COPB1: variants seen among roughly 807,000 people sequenced by gnomAD.
COPB1 encodes the protein coat protein complex I subunit beta 1, also known as coatomer subunit beta.
A neutral mutation model predicts 108.7 loss-of-function variants in COPB1; 21 were observed. The ratio of observed to expected loss-of-function variants is 0.19; its 90% confidence interval spans 0.14 to 0.28. COPB1 has a LOEUF of 0.28. Among genes scored for constraint, COPB1 ranks in the 10% least tolerant of loss-of-function variants. COPB1 has a pLI of 1.00. For synonymous variants in COPB1, 378 were observed against 386.8 expected, an observed-to-expected ratio of 0.98 and a Z score of 0.27; for missense variants, 919 against 1,141.3, an observed-to-expected ratio of 0.81 and a Z score of 2.81.
Position 14,488,498 on chromosome 11 carries a change from A to T in COPB1, c.693T>A (p.Ile231=). Reference sequence around the variant, plus strand: ...CATAGATTATCATTCTTACCTTATAAATCAGTTCAACAATAACCAGCTGCA... The same window carrying T: ...CATAGATTATCATTCTTACCTTATATATCAGTTCAACAATAACCAGCTGCA... ...DILQLVIVEL[I]YKVCHANPSE... Residue 231 remains isoleucine (I), a synonymous_variant, in exon 6 of 22, where the codon ATT becomes ATA. Transcript: ENST00000439561. 1 of 1,600,322 alleles carries T rather than the reference A, an allele frequency of 6.2e-7. No homozygotes were observed. The highest frequency in any genetic ancestry group is 8.5e-7 in the Non-Finnish European group (1 of 1,170,564).
intron 12 of COPB1, among the ~76,000 whole-genome samples, chr11:14,476,417 T>C (rs1234596908): frequency 6.6e-6 from 1 of 152,238 alleles, no homozygotes; most frequent in Admixed American, 6.5e-5. Flanking sequence ...TGAATGGCTA[T>C]TATGTATTTA....
At chr11:14,471,716 G>A (rs763743176) in intron 14 of COPB1, among the ~76,000 whole-genome samples, 126 of 152,186 alleles carry the variant, frequency 8.3e-4, no homozygotes, top group Non-Finnish European at 1.4e-3. Context: ...TCAGCAGTTC[G>A]AGACCAGCCT....
chr11:14,489,269 A>G (rs1850842222), intron 5 of COPB1, among the ~76,000 whole-genome samples: 1 of 152,240 alleles, frequency 6.6e-6, no homozygotes, highest in Admixed American at 6.5e-5. Flanking sequence ...CTTGTGCACT[A>G]CTAGTGAGAA....
intron 16 of COPB1, among the ~76,000 whole-genome samples, chr11:14,467,272 T>G (rs1250591312): frequency 1.3e-5 from 2 of 151,834 alleles, no homozygotes; most frequent in African/African-American, 4.8e-5. Flanking sequence ...AAATGGCCAA[T>G]AAGCACGTGA....
intron 2 of COPB1, among the ~76,000 whole-genome samples, chr11:14,496,022 T>C (rs1565025982): frequency 6.6e-6 from 1 of 152,164 alleles, no homozygotes; most frequent in East Asian, 1.9e-4. Flanking sequence ...AATAGAAACC[T>C]AGTATTAAGT....
At chr11:14,485,199 T>C (rs1450366149) in intron 7 of COPB1, among the ~76,000 whole-genome samples, 1 of 152,070 alleles carries the variant, frequency 6.6e-6, no homozygotes, top group Non-Finnish European at 1.5e-5. Context: ...CTCTGTTGCC[T>C]TGGCTGGAGT....
rs757263393 is a variant in COPB1 at position 14,469,464 on chromosome 11, T to C, written c.1837A>G (p.Ile613Val). Residue 613 changes from isoleucine (I) to valine (V), a missense_variant, in exon 15 of 22, where the codon ATT becomes GTT. Ile to Val is a conservative substitution (Grantham distance 29, BLOSUM62 3). Coordinates refer to ENST00000439561, the MANE Select transcript of COPB1 (RefSeq NM_001144061.2). ...KPITDDDVDR[I>V]SLCLKVLSEC... The stretch of plus-strand genomic sequence containing the variant: ...GACAAGACCTTGAGGCACAGGGAAA[T>C]TCGATCCACATCATCATCAGTAATT... The C allele has an allele frequency of 1.9e-6, 3 of 1,614,178 alleles. No individual in the cohort carries two copies. Among genetic ancestry groups the C allele is most frequent in the Non-Finnish European group, 2.5e-6 (3 of 1,180,022 alleles).
At chr11:14,469,840 T>C (rs1296900046) in intron 14 of COPB1, among the ~76,000 whole-genome samples, 1 of 152,240 alleles carries the variant, frequency 6.6e-6, no homozygotes, top group African/African-American at 2.4e-5. Flanking sequence ...CTTCATATGC[T>C]GATGCTGTCC....
At chr11:14,497,184 C>A (rs1397788721) in intron 2 of COPB1, among the ~76,000 whole-genome samples, 1 of 151,988 alleles carries the variant, frequency 6.6e-6, no homozygotes, top group African/African-American at 2.4e-5. Flanking sequence ...CAAAAACGGA[C>A]AAATGGGATC....
Position 14,494,211 on chromosome 11 carries a change from T to C in COPB1, c.320A>G (p.Lys107Arg). Residue 107 changes from lysine (K) to arginine (R), a missense_variant and splice_region_variant, in exon 3 of 22, where the codon AAG becomes AGG. Coordinates refer to ENST00000439561, the MANE Select transcript of COPB1 (RefSeq NM_001144061.2). The part of the protein sequence containing the change: ...EMILVCDAYR[K>R]DLQHPNEFIR... ...AGAAATAATTATGATTTGGTTTACCTTTCTGTATGCATCACATACAAGGAT... is the reference window on the plus strand; with the variant it reads ...AGAAATAATTATGATTTGGTTTACCCTTCTGTATGCATCACATACAAGGAT... 6.3e-7 allele frequency: 1 copy of C among 1,597,964 alleles called. No individual in the cohort carries two copies. The highest frequency in any genetic ancestry group is 8.6e-7 in the Non-Finnish European group (1 of 1,167,972).
In COPB1 at chr11:14,461,263, T is replaced by G. The variant is rs1473859787; in HGVS notation, c.2479A>C (p.Met827Leu). The change falls in exon 19 of 22, where the codon ATG becomes CTG. Residue 827 changes from methionine to leucine, a missense_variant. Physicochemically the swap from Met to Leu is conservative, Grantham distance 15 (BLOSUM62 2). Around this residue, in one of 5 missense-constraint regions of COPB1, gnomAD observed 705 missense variants for 817.8 expected, o/e 0.86. Coordinates refer to ENST00000439561, the MANE Select transcript of COPB1 (RefSeq NM_001144061.2). Reference protein sequence around the residue: ...VVLSDIHIDIMDYIQPATCTD... With the variant: ...VVLSDIHIDILDYIQPATCTD... ...CAAGTTGCAGGCTGGATATAGTCCATGATGTCGATGTGAATATCACTGAGA... is the reference window on the plus strand; with the variant it reads ...CAAGTTGCAGGCTGGATATAGTCCAGGATGTCGATGTGAATATCACTGAGA... 6.2e-7 allele frequency: 1 copy of G among 1,614,210 alleles called. No homozygotes were observed. Among genetic ancestry groups the G allele is most frequent in the South Asian group, 1.1e-5 (1 of 91,078 alleles).
intron 18 of COPB1, among the ~76,000 whole-genome samples, chr11:14,461,743 AG>A (rs2134092858): frequency 6.6e-6 from 1 of 152,310 alleles, no homozygotes; most frequent in East Asian, 1.9e-4. Context: ...TTCCCATAGG[AG>A]GTACTTAACT....
At chr11:14,477,113 G>T in intron 11 of COPB1, 98 bp from the exon 12 acceptor site, 1 of 860,944 alleles carries the variant, frequency 1.2e-6, no homozygotes, top group Non-Finnish European at 1.9e-6. Context: ...ACAAGGGCCA[G>T]GCACTCACGC....
chr11:14,494,646 T>C, intron 2 of COPB1: 1 of 489,840 alleles, frequency 2.0e-6, no homozygotes. Context: ...TCTCTGGAAA[T>C]CAGACTCTTT....
intron 5 of COPB1, among the ~76,000 whole-genome samples, chr11:14,490,132 T>C (rs1295151877): frequency 6.6e-6 from 1 of 152,200 alleles, no homozygotes; most frequent in Non-Finnish European, 1.5e-5. Context: ...GAGCAGGATG[T>C]GGAGTTGGCA....
intron 5 of COPB1, among the ~76,000 whole-genome samples, chr11:14,489,505 C>T (rs1401104397): frequency 1.3e-5 from 2 of 151,986 alleles, no homozygotes; most frequent in Admixed American, 1.3e-4. Flanking sequence ...CAGGTAAACA[C>T]AATGTAGCAT....
chr11:14,457,593 T>C lies in COPB1; in HGVS notation c.*231A>G. On this transcript the variant is annotated 3_prime_UTR_variant, in exon 22 of 22. Coordinates refer to ENST00000439561, the MANE Select transcript of COPB1 (RefSeq NM_001144061.2). ...TATTGTACTGTGAAAAGGGTCTTGG[T>C]ACATGAAACATTATATACTTTGAGG... 2.6e-6 allele frequency: 1 copy of C among 385,738 alleles called. No homozygotes were observed. The highest frequency in any genetic ancestry group is 4.9e-6 in the Non-Finnish European group (1 of 205,746). The allele number at this position is 385,738 out of a possible 1,614,324, so 23.9% of individuals were successfully genotyped here.
chr11:14,466,157 G>T, intron 17 of COPB1, 125 bp downstream of exon 17: 2 of 920,260 alleles, frequency 2.2e-6, no homozygotes, highest in Non-Finnish European at 3.1e-6. Flanking sequence ...GAAAAACTAA[G>T]CCTTGATTCA....
intron 8 of COPB1, among the ~76,000 whole-genome samples, chr11:14,481,393 G>C (rs976397106): frequency 1.3e-5 from 2 of 152,164 alleles, no homozygotes; most frequent in Non-Finnish European, 2.9e-5. Context: ...GCTAAACAAC[G>C]TAAGAAAGTA....
Sources: allele counts gnomAD v4.1 joint callset (sites outside exome capture counted in the v4.1 genomes callset), GRCh38; gene constraint gnomAD v4.1.1; regional missense constraint gnomAD v4.1.1; transcripts MANE v1.5; gene names NCBI Gene and HGNC (gene_info 2026-07-23, HGNC 2026-07-21).